The following CCDC183 variants were observed in gnomAD, a reference collection of about 807,000 sequenced individuals.
The protein encoded by CCDC183 is coiled-coil domain-containing protein 183.
In CCDC183, 63 loss-of-function variants were observed where a neutral mutation model predicts 65.2. The ratio of observed to expected loss-of-function variants is 0.97; its 90% CI spans 0.79 to 1.19. The LOEUF (loss-of-function observed/expected upper bound fraction) is 1.19, where lower values mean the gene tolerates loss of function less well. Ranked by LOEUF, CCDC183 falls within the 50% of genes most tolerant of loss-of-function variation. CCDC183 has a pLI of 0.00. For missense variants in CCDC183, 769 were observed against 689.3 expected (o/e 1.12, Z -1.30); for synonymous variants, 323 against 276.5 (o/e 1.17, Z -1.67).
rs537890027 is a variant in CCDC183, at chr9:136,797,920, G to A, written c.71-1182G>A. On this transcript the variant is annotated intron_variant, in intron 1 of 13. Transcript: ENST00000338005. ...ACTGCAACCTCCACCTCCCGGGTTC[G>A]AGCGATTCTCCTGGCTCAGCCTCTT... Among the ~76,000 whole-genome samples the A allele has an allele frequency of 3.9e-3, 584 of 150,892 alleles. 9 individuals carry two copies. The highest frequency in any genetic ancestry group is 0.035 in the South Asian group (166 of 4,744).
chr9:136,805,987 T>C, intron 9 of CCDC183, 91 bp from the exon 10 acceptor site: 1 of 1,048,894 alleles, frequency 9.5e-7, no homozygotes, highest in Non-Finnish European at 1.4e-6. Context: ...CACTAGCGTC[T>C]AGGAGGGGCC....
intron 10 of CCDC183, 61 bp downstream of exon 10, chr9:136,806,299 C>T (rs1290201453): frequency 2.2e-5 from 33 of 1,520,702 alleles, no homozygotes; most frequent in South Asian, 1.2e-5. Flanking sequence ...CCCCGGGCTG[C>T]AGCCAGGCTG....
intron 10 of CCDC183, 48 bp downstream of exon 10, chr9:136,806,286 AGGCCCCG>A: frequency 6.5e-7 from 1 of 1,549,302 alleles, no homozygotes; most frequent in African/African-American, 1.4e-5. Flanking sequence ...AGTCTCACAA[AGGCCCCG>A]GGCTGCAGCC....
Position 136,800,120 on chromosome 9 carries a change from G to A in CCDC183, c.389G>A (p.Ser130Asn). ...KLESMQLELD[S>N]LRSQPDASKE... ...GAGAGCATGCAGCTGGAGCTGGACA[G>A]CCTGCGGAGCCAGCCCGACGCCAGC... Residue 130 changes from serine (S) to asparagine (N), a missense_variant, in exon 4 of 14, where the codon AGC becomes AAC. By Grantham distance (46) the Ser-to-Asn change is conservative (BLOSUM62 1). Coordinates refer to ENST00000338005, the MANE Select transcript of CCDC183 (RefSeq NM_001039374.5). 6.5e-7 allele frequency: 1 copy of A among 1,545,390 alleles called. No homozygotes were observed.
Position 136,806,360 on chromosome 9 carries a change from G to A in CCDC183, c.1109+122G>A, listed in dbSNP as rs1024841435. 11 of 1,381,212 alleles carry A rather than the reference G, an allele frequency of 8.0e-6. 1 individual carries two copies. The Admixed American group carries it at 2.1e-4, about 26-fold the overall frequency. The allele number at this position is 1,381,212 out of a possible 1,614,324, so 85.6% of individuals were successfully genotyped here. The stretch of plus-strand genomic sequence containing the variant: ...ACAAGCCTGTGTGTCCCACAGAGGG[G>A]CCAGGGGACTCCACTTGCACACACC... On this transcript the variant is annotated intron_variant, in intron 10 of 13. Transcript: ENST00000338005.
Position 136,807,654 on chromosome 9 carries a change from G to T in CCDC183, c.1569G>T (p.Glu523Asp). 1 of 1,604,804 alleles carries T rather than the reference G, an allele frequency of 6.2e-7. No homozygotes were observed. The highest frequency in any genetic ancestry group is 8.5e-7 in the Non-Finnish European group (1 of 1,176,116). The change falls in exon 14 of 14, where the codon GAG (glutamate) becomes GAT (aspartate). Residue 523 changes from glutamate (E) to aspartate (D), a missense_variant. Physicochemically the swap from Glu to Asp is conservative, Grantham distance 45 (BLOSUM62 2). Coordinates refer to ENST00000338005, the MANE Select transcript of CCDC183 (RefSeq NM_001039374.5). ...EIKRQAQRLIEGKLKAAKKKK... is the reference protein window; with the variant it reads ...EIKRQAQRLIDGKLKAAKKKK... ...AGAGGCAGGCGCAGCGGCTAATCGA[G>T]GGGAAGCTCAAGGCGGCCAAGAAAA...
intron 4 of CCDC183, 59 bp from the exon 5 acceptor site, chr9:136,800,330 C>G (rs1847719469): frequency 6.6e-7 from 1 of 1,512,138 alleles, no homozygotes; most frequent in Non-Finnish European, 9.0e-7. Flanking sequence ...AACCCAGCCC[C>G]GACACCCTCC....
At chr9:136,802,579 C>T in intron 5 of CCDC183, 85 bp from the exon 6 acceptor site, 2 of 1,527,346 alleles carry the variant, frequency 1.3e-6, no homozygotes, top group South Asian at 1.3e-5. Context: ...TATCACTGTT[C>T]TCAGGGCTCT....
chr9:136,800,026 T>A lies in CCDC183; in HGVS notation c.295T>A (p.Tyr99Asn), dbSNP rs751571072. 29 of 1,590,428 alleles carry A rather than the reference T, an allele frequency of 1.8e-5. No individual in the cohort carries two copies. In the African/African-American group the frequency reaches 3.3e-4, roughly 18 times the overall value. ...GGTGGTGCGGGAGAAGCTGCGCAAG[T>A]ACGTCTTCGACCGCGTGAACATGCA... is the stretch of plus-strand genomic sequence containing the variant. ...MEVVREKLRK[Y>N]VFDRVNMHNL... The change falls in exon 4 of 14, where the codon TAC becomes AAC. Residue 99 changes from tyrosine (Y) to asparagine (N), a missense_variant. Physicochemically the swap from Tyr to Asn is moderately radical, Grantham distance 143 (BLOSUM62 -2). Coordinates refer to ENST00000338005, the MANE Select transcript of CCDC183 (RefSeq NM_001039374.5).
chr9:136,802,789 G>A lies in CCDC183; in HGVS notation c.666+3G>A. ...TGATGATCACGGATGAGGTCAAGGT[G>A]AGCTCAGGGCCCAGGGCTGGGGGCC... On this transcript the variant is annotated splice_donor_region_variant and intron_variant, in intron 6 of 13. Coordinates refer to ENST00000338005, the MANE Select transcript of CCDC183 (RefSeq NM_001039374.5). 1 of 1,589,890 alleles carries A rather than the reference G, an allele frequency of 6.3e-7. No individual in the cohort carries two copies.
Position 136,804,842 on chromosome 9 carries a change from C to T in CCDC183, c.847+26C>T. On this transcript the variant is annotated intron_variant, in intron 8 of 13. Coordinates refer to ENST00000338005, the MANE Select transcript of CCDC183 (RefSeq NM_001039374.5). This position sits in a 1 kb window ranked among gnomAD's most constrained non-coding sequence, Gnocchi z 4.1. ...GTAAGCGCTCAGCTCCCCACCTGCC[C>T]CCAGCCAGGGTCCCAAGGAGAGGCT... 6 of 1,607,878 alleles carry T rather than the reference C, an allele frequency of 3.7e-6. No individual in the cohort carries two copies. The highest frequency in any genetic ancestry group is 5.1e-6 in the Non-Finnish European group (6 of 1,174,774).
chr9:136,802,774 G>C lies in CCDC183; in HGVS notation c.654G>C (p.Thr218=). The part of the protein sequence containing the change: ...KIMSQDAMMI[T]DEVKRNMRQR... ...TGTCCCAAGATGCCATGATGATCAC[G>C]GATGAGGTCAAGGTGAGCTCAGGGC... The change falls in exon 6 of 14, where the codon ACG becomes ACC. Residue 218 remains threonine (T), a synonymous_variant. Transcript: ENST00000338005. 6.2e-7 allele frequency: 1 copy of C among 1,611,346 alleles called. No individual in the cohort carries two copies. The highest frequency in any genetic ancestry group is 8.5e-7 in the Non-Finnish European group (1 of 1,178,840).
At position 136,799,788 on chromosome 9, in the gene CCDC183, G is replaced by A. The variant is rs1239659128; in HGVS notation, c.268G>A (p.Glu90Lys). ...LRLAHCRSTM[E>K]VVREKLRKYV... ...ACTGGCGCACTGCCGCAGCACCATG[G>A]AGGTAACCAGGCAGGAGGGGCCTCG... is the stretch of plus-strand genomic sequence containing the variant. Residue 90 changes from glutamate to lysine, a missense_variant and splice_region_variant, in exon 3 of 14, where the codon GAG (glutamate) becomes AAG (lysine). Physicochemically the swap from Glu to Lys is moderately conservative, Grantham distance 56 (BLOSUM62 1). Coordinates refer to ENST00000338005, the MANE Select transcript of CCDC183 (RefSeq NM_001039374.5). 6.2e-7 allele frequency: 1 copy of A among 1,612,564 alleles called. No homozygotes were observed. The highest frequency in any genetic ancestry group is 1.7e-5 in the Admixed American group (1 of 59,980).
At chr9:136,805,257 C>T (rs1847822021) in intron 8 of CCDC183, 100 bp from the exon 9 acceptor site, 5 of 966,344 alleles carry the variant, frequency 5.2e-6, no homozygotes, top group African/African-American at 3.2e-5. Context: ...CTTGGGTGGC[C>T]GCCCCAGCAG....
intron 5 of CCDC183, 134 bp downstream of exon 5, chr9:136,800,627 C>T (rs1588331270): frequency 1.6e-6 from 1 of 641,356 alleles, no homozygotes; most frequent in Non-Finnish European, 2.7e-6. Flanking sequence ...CGCAGGACGC[C>T]GAGGCATGTG....
intron 11 of CCDC183, 39 bp downstream of exon 11, chr9:136,806,711 C>G (rs982484381): frequency 6.2e-7 from 1 of 1,613,404 alleles, no homozygotes; most frequent in Non-Finnish European, 8.5e-7. Context: ...CACCAGGTCC[C>G]TGGGCAGGGC....
chr9:136,805,583 C>T (rs1223682870), intron 9 of CCDC183, 126 bp downstream of exon 9: 1 of 772,184 alleles, frequency 1.3e-6, no homozygotes, highest in African/African-American at 1.7e-5. Context: ...GTCTGAGGCA[C>T]TCTGAAATGG....
intron 1 of CCDC183, among the ~76,000 whole-genome samples, chr9:136,797,572 G>A (rs1049039370): frequency 2.0e-5 from 3 of 151,852 alleles, no homozygotes; most frequent in Non-Finnish European, 4.4e-5. Context: ...CCAAGTAGCT[G>A]GGACTACAGG....
At position 136,800,117 on chromosome 9, in the gene CCDC183, A is replaced by C. The variant is rs7859194; in HGVS notation, c.386A>C (p.Asp129Ala). The change falls in exon 4 of 14, where the codon GAC (aspartate) becomes GCC (alanine). Residue 129 changes from aspartate (D) to alanine (A), a missense_variant. Transcript: ENST00000338005. The stretch of plus-strand genomic sequence containing the variant: ...CTGGAGAGCATGCAGCTGGAGCTGG[A>C]CAGCCTGCGGAGCCAGCCCGACGCC... ...QKLESMQLEL[D>A]SLRSQPDASK... The C allele has an allele frequency of 0.23, 351,904 of 1,542,348 alleles. 40,765 individuals carry two copies. Among genetic ancestry groups the C allele is most frequent in the African/African-American group, 0.32 (23,310 of 73,210 alleles).
Sources: allele counts gnomAD v4.1 joint callset (sites outside exome capture counted in the v4.1 genomes callset), GRCh38; gene constraint gnomAD v4.1.1; non-coding constraint Gnocchi (gnomAD v3.1); transcripts MANE v1.5; gene names NCBI Gene and HGNC (gene_info 2026-07-23, HGNC 2026-07-21).